The following SCD5 variants were observed in gnomAD, a reference collection of about 807,000 sequenced individuals.
The protein encoded by SCD5 is stearoyl-CoA desaturase 5.
SCD5 carries 20 observed loss-of-function variants against 30.4 expected under a neutral mutation model. The observed-to-expected ratio is 0.66, with a 90% CI of 0.46 to 0.96. SCD5 has a LOEUF of 0.96. Among genes scored for constraint, SCD5 ranks in the 40% least tolerant of loss-of-function variants. The pLI is 0.00. For missense variants in SCD5, 381 were observed against 443.3 expected (o/e 0.86, Z 1.26); for synonymous variants, 173 against 176.4 (o/e 0.98, Z 0.16).
Position 82,631,566 on chromosome 4 carries a change from A to G in SCD5, c.803-49T>C, listed in dbSNP as rs377343086. ...TATAATTCAATCACCACCTCTCTGC[A>G]TAGATGTTTTGAATCACCTATTTTT... On this transcript the variant is annotated intron_variant, in intron 4 of 4. Coordinates refer to ENST00000319540, the MANE Select transcript of SCD5 (RefSeq NM_001037582.3). 1.1e-5 allele frequency: 18 copies of G among 1,579,092 alleles called. No individual in the cohort carries two copies. In the African/African-American group the frequency reaches 2.2e-4, roughly 19 times the overall value.
chr4:82,655,738 T>C (rs1727855663), intron 3 of SCD5, among the ~76,000 whole-genome samples: 1 of 152,148 alleles, frequency 6.6e-6, no homozygotes, highest in Non-Finnish European at 1.5e-5. Context: ...ACAATTAACT[T>C]TCACATGTAT....
At position 82,705,409 on chromosome 4, in the gene SCD5, G is replaced by A. The variant is rs746091279; in HGVS notation, c.237C>T (p.Tyr79=). 1 of 1,614,228 alleles carries A rather than the reference G, an allele frequency of 6.2e-7. No individual in the cohort carries two copies. Among genetic ancestry groups the A allele is most frequent in the Non-Finnish European group, 8.5e-7 (1 of 1,180,034 alleles). Residue 79 remains tyrosine, a synonymous_variant, in exon 2 of 5, where the codon TAC becomes TAT. Transcript: ENST00000319540. ...CCAGAGCGGCCAGGAGGAAGCAGAA[G>A]TAGGCTGCAAGACACAAGCAGGGAC... ...KAKPLTLLWA[Y]FCFLLAALGV...
At chr4:82,704,484 A>C (rs185612443) in intron 2 of SCD5, among the ~76,000 whole-genome samples, 1 of 152,214 alleles carries the variant, frequency 6.6e-6, no homozygotes, top group Non-Finnish European at 1.5e-5. Flanking sequence ...AAAGTACCCA[A>C]GGAGGTGGGG....
intron 1 of SCD5, among the ~76,000 whole-genome samples, chr4:82,731,479 G>T (rs528162155): frequency 3.3e-5 from 5 of 152,236 alleles, no homozygotes; most frequent in Admixed American, 6.5e-5. Context: ...CCAGACTTGG[G>T]CTGGGAGACC....
At chr4:82,636,381 G>A (rs1727429503) in intron 4 of SCD5, among the ~76,000 whole-genome samples, 1 of 151,136 alleles carries the variant, frequency 6.6e-6, no homozygotes, top group Admixed American at 6.6e-5. Context: ...AACCCAGGAA[G>A]CAGAGGCTGC....
chr4:82,747,069 G>GCCCCCCCCCCCCCCCC (rs151046123), intron 1 of SCD5, among the ~76,000 whole-genome samples: 13 of 139,762 alleles, frequency 9.3e-5, no homozygotes, highest in South Asian at 2.5e-4. Flanking sequence ...TGGGCAACCT[G>GCCCCCCCCCCCCCCCC]CCCCCCAAGA....
chr4:82,726,728 C>A (rs1458592613), intron 1 of SCD5, among the ~76,000 whole-genome samples: 1 of 152,138 alleles, frequency 6.6e-6, no homozygotes, highest in Non-Finnish European at 1.5e-5. Flanking sequence ...TGGTCACGAT[C>A]CAAACTGAAG....
chr4:82,777,849 T>A (rs1356622964), intron 1 of SCD5, among the ~76,000 whole-genome samples: 1 of 152,038 alleles, frequency 6.6e-6, no homozygotes, highest in East Asian at 1.9e-4. Flanking sequence ...AACTAAGCAA[T>A]AAAGTCTCTT....
intron 3 of SCD5, among the ~76,000 whole-genome samples, chr4:82,667,259 T>C (rs887424044): frequency 7.0e-6 from 1 of 142,520 alleles, no homozygotes; most frequent in African/African-American, 2.7e-5. Context: ...ATGCAGTTGG[T>C]GTATTTTTAT....
chr4:82,641,841 C>T (rs543151375), intron 3 of SCD5, among the ~76,000 whole-genome samples: 1 of 152,202 alleles, frequency 6.6e-6, no homozygotes, highest in African/African-American at 2.4e-5. Flanking sequence ...TGTTAACAGA[C>T]TCCATGTTAG....
chr4:82,766,160 A>G (rs1721480273), intron 1 of SCD5, among the ~76,000 whole-genome samples: 1 of 152,224 alleles, frequency 6.6e-6, no homozygotes, highest in Non-Finnish European at 1.5e-5. Context: ...AAAATATTTT[A>G]GCCAGTGTTT....
At chr4:82,636,978 G>A (rs1727446911) in intron 3 of SCD5, among the ~76,000 whole-genome samples, 155 bp from the exon 4 acceptor site, 1 of 152,188 alleles carries the variant, frequency 6.6e-6, no homozygotes, top group Admixed American at 6.5e-5. Context: ...TGTTGTGTAG[G>A]GGTCACAAGA....
chr4:82,761,062 A>G (rs1435940160), intron 1 of SCD5, among the ~76,000 whole-genome samples: 1 of 152,246 alleles, frequency 6.6e-6, no homozygotes, highest in Non-Finnish European at 1.5e-5. Flanking sequence ...TTTCACCAGC[A>G]TGATGGATGC....
At chr4:82,700,991 A>G (rs1719825388) in intron 2 of SCD5, among the ~76,000 whole-genome samples, 1 of 152,154 alleles carries the variant, frequency 6.6e-6, no homozygotes, top group African/African-American at 2.4e-5. Flanking sequence ...TCTTAATCTA[A>G]CACATAACAA....
At chr4:82,726,416 T>TGA (rs1439823751) in intron 1 of SCD5, among the ~76,000 whole-genome samples, 1 of 56,784 alleles carries the variant, frequency 1.8e-5, no homozygotes, top group Non-Finnish European at 3.0e-5. Context: ...AAACTCTGTC[T>TGA]CAAAAAAAAA....
intron 1 of SCD5, among the ~76,000 whole-genome samples, chr4:82,766,752 G>C (rs1383214222): frequency 6.6e-6 from 1 of 152,104 alleles, no homozygotes; most frequent in Non-Finnish European, 1.5e-5. Context: ...AAGTTACTTG[G>C]AAATAGTTTG....
chr4:82,694,562 G>A lies in SCD5; in HGVS notation c.363+10721C>T, dbSNP rs200916735. 2.0e-5 allele frequency among the ~76,000 whole-genome samples: 3 copies of A among 152,044 alleles called. No individual in the cohort carries two copies. The East Asian group carries it at 5.8e-4, about 29-fold the overall frequency. On this transcript the variant is annotated intron_variant, in intron 2 of 4. Coordinates refer to ENST00000319540, the MANE Select transcript of SCD5 (RefSeq NM_001037582.3). The stretch of plus-strand genomic sequence containing the variant: ...TTTAATGAAAGAAGATATCTGTGGT[G>A]GTAATTGCCTCCAAATTAAAATGTC...
intron 2 of SCD5, among the ~76,000 whole-genome samples, chr4:82,681,821 T>C (rs1429655173): frequency 1.3e-5 from 2 of 152,136 alleles, no homozygotes; most frequent in Admixed American, 1.3e-4. Context: ...GAAATCTTGG[T>C]TGTCATAAGA....
chr4:82,680,308 G>A (rs542245338), intron 3 of SCD5, among the ~76,000 whole-genome samples: 1 of 152,294 alleles, frequency 6.6e-6, no homozygotes, highest in South Asian at 2.1e-4. Flanking sequence ...AGGATACCTG[G>A]AGAGAGTTCA....
Sources: gnomAD v4.1 joint callset for allele counts (sites outside exome capture counted in the v4.1 genomes callset) on GRCh38, gnomAD v4.1.1 for gene constraint, MANE v1.5 for transcripts, NCBI Gene and HGNC (gene_info 2026-07-23, HGNC 2026-07-21) for gene names.